The following MDN1 variants were observed in gnomAD, a reference collection of about 807,000 sequenced individuals.
MDN1 encodes the protein midasin.
A neutral mutation model predicts 669.2 loss-of-function variants in MDN1; 266 were observed. The ratio of observed to expected loss-of-function variants is 0.40; its 90% CI spans 0.36 to 0.44. MDN1 has a LOEUF of 0.44. Among genes scored for constraint, MDN1 ranks in the 20% least tolerant of loss-of-function variants. The pLI, the probability that MDN1 is intolerant of heterozygous loss-of-function variation, is 1.00. For missense variants in MDN1, 5,940 were observed against 6,754.0 expected, an observed-to-expected ratio of 0.88 and a Z score of 4.22; for synonymous variants, 2,385 against 2,457.1, an observed-to-expected ratio of 0.97 and a Z score of 0.87.
chr6:89,655,732 G>A (rs1173998218), intron 92 of MDN1, 32 bp downstream of exon 92: 1 of 1,554,568 alleles, frequency 6.4e-7, no homozygotes, highest in Non-Finnish European at 8.7e-7. Flanking sequence ...AGAGCTCAGT[G>A]GGCAAAGGCA....
chr6:89,719,070 G>C lies in MDN1; in HGVS notation c.6058-40C>G, dbSNP rs749270753. 1.9e-5 allele frequency: 30 copies of C among 1,613,568 alleles called. No homozygotes were observed. In the Admixed American group the frequency reaches 4.0e-4, roughly 22 times the overall value. ...CAGTGAGATTTCCATAAGCGTGCCTGGTAGTGGGAGCAGAAGAAACCATTA... is the reference window on the plus strand; with the variant it reads ...CAGTGAGATTTCCATAAGCGTGCCTCGTAGTGGGAGCAGAAGAAACCATTA... On this transcript the variant is annotated intron_variant, in intron 41 of 101. Coordinates refer to ENST00000369393, the MANE Select transcript of MDN1 (RefSeq NM_014611.3).
chr6:89,650,983 T>C (rs1808812480), intron 95 of MDN1, 136 bp from the exon 96 acceptor site: 1 of 619,422 alleles, frequency 1.6e-6, no homozygotes, highest in Non-Finnish European at 2.8e-6. Context: ...TTAAATCTTC[T>C]CCCAGCAAGC....
At chr6:89,777,687 A>G (rs1399978976) in intron 11 of MDN1, among the ~76,000 whole-genome samples, 1 of 152,180 alleles carries the variant, frequency 6.6e-6, no homozygotes, top group Admixed American at 6.5e-5. Flanking sequence ...CGTAGAAACT[A>G]AAATTGGCCT....
Position 89,708,617 on chromosome 6 carries a change from T to A in MDN1, c.7777A>T (p.Ile2593Phe). ...LQPNTTDEFV[I>F]PLDPRWNMQA... ...ATATTCCATCGGGGATCCAGAGGGA[T>A]CACAAATTCATCTAGTTTAAAAACA... Residue 2593 changes from isoleucine to phenylalanine, a missense_variant, in exon 51 of 102, where the codon ATC becomes TTC. Transcript: ENST00000369393. 1 of 1,613,378 alleles carries A rather than the reference T, an allele frequency of 6.2e-7. No individual in the cohort carries two copies. The highest frequency in any genetic ancestry group is 8.5e-7 in the Non-Finnish European group (1 of 1,179,742).
chr6:89,669,050 G>T (rs1249330473), intron 83 of MDN1, among the ~76,000 whole-genome samples: 1 of 152,228 alleles, frequency 6.6e-6, no homozygotes, highest in Non-Finnish European at 1.5e-5. Flanking sequence ...CCACATAGGA[G>T]GGAGTTTCAG....
rs1816457308 is a variant in MDN1 at position 89,744,124 on chromosome 6, A to AC, written c.4179-411_4179-410insG. Among the ~76,000 whole-genome samples, 34 of 141,770 alleles carry AC rather than the reference A, an allele frequency of 2.4e-4. 1 individual carries two copies. Among genetic ancestry groups the AC allele is most frequent in the Admixed American group, 2.1e-3 (31 of 14,576 alleles). The allele number at this position is 141,770 out of a possible 152,430, so 93.0% of individuals were successfully genotyped here. On this transcript the variant is annotated intron_variant, in intron 29 of 101. Transcript: ENST00000369393. ...TTCTTAAAAAAAAAAAAAAAAAAAA[A>AC]AAAAAAACCACCACCAAGAGAGGGA...
intron 81 of MDN1, 55 bp from the exon 82 acceptor site, chr6:89,672,418 C>T: frequency 1.9e-6 from 3 of 1,602,860 alleles, no homozygotes; most frequent in Non-Finnish European, 2.6e-6. Flanking sequence ...AAAACAAATC[C>T]TTTTATCTCT....
chr6:89,794,665 G>C lies in MDN1; in HGVS notation c.466C>G (p.Leu156Val). 6.2e-7 allele frequency: 1 copy of C among 1,614,200 alleles called. No individual in the cohort carries two copies. The highest frequency in any genetic ancestry group is 8.5e-7 in the Non-Finnish European group (1 of 1,180,046). ...CGGAACACAGACTGCTCCTGCTGCA[G>C]AAACTTGAAGGCTGCTTCCATTAGG... ...RDLMEAAFKF[L>V]QQEQSVFREL... is the part of the protein sequence containing the mutation. Residue 156 changes from leucine (L) to valine (V), a missense_variant, in exon 3 of 102, where the codon CTG (leucine) becomes GTG (valine). Physicochemically the swap from Leu to Val is conservative, Grantham distance 32. This residue lies in a region of MDN1 where 1,203 missense variants were observed against 1,268.9 expected (regional missense o/e 0.95). Coordinates refer to ENST00000369393, the MANE Select transcript of MDN1 (RefSeq NM_014611.3).
At chr6:89,787,422 T>TAA (rs1819020815) in intron 8 of MDN1, among the ~76,000 whole-genome samples, 1 of 152,220 alleles carries the variant, frequency 6.6e-6, no homozygotes, top group African/African-American at 2.4e-5. Context: ...TGGCTAGCCA[T>TAA]TAACTGGGCA....
intron 37 of MDN1, among the ~76,000 whole-genome samples, chr6:89,727,356 T>G (rs1446195975): frequency 6.6e-6 from 1 of 152,190 alleles, no homozygotes; most frequent in Non-Finnish European, 1.5e-5. Context: ...TTGTCAGAGA[T>G]TCAGTATTTA....
At chr6:89,651,256 C>T (rs4331958) in intron 95 of MDN1, among the ~76,000 whole-genome samples, 100,045 of 144,690 alleles carry the variant, frequency 0.69, 34,665 homozygotes, top group East Asian at 0.91. Flanking sequence ...ACCCAGGAGG[C>T]GGAGGTTGCA....
In MDN1 at chr6:89,794,742, C is replaced by T. The variant is rs1280897447; in HGVS notation, c.389G>A (p.Ser130Asn). 1 of 1,614,192 alleles carries T rather than the reference C, an allele frequency of 6.2e-7. No homozygotes were observed. Among genetic ancestry groups the T allele is most frequent in the Admixed American group, 1.7e-5 (1 of 60,006 alleles). The stretch of plus-strand genomic sequence containing the variant: ...ATAGCGTACTGGATTAGCATCTGAA[C>T]TCTCTAGGAAAAGTCTTTGAAAGAC... ...SPVFQRLFLE[S>N]SDANPVRYGR... Residue 130 changes from serine to asparagine, a missense_variant, in exon 3 of 102, where the codon AGT becomes AAT. By Grantham distance (46) the Ser-to-Asn change is conservative (BLOSUM62 1). This residue lies in a region of MDN1 where 1,203 missense variants were observed against 1,268.9 expected (regional missense o/e 0.95). Transcript: ENST00000369393.
chr6:89,658,073 G>GT, intron 90 of MDN1, 136 bp downstream of exon 90: 1 of 1,010,942 alleles, frequency 9.9e-7, no homozygotes, highest in Non-Finnish European at 1.5e-6. Context: ...GATGTGGTCT[G>GT]TTAGATGTCA....
intron 27 of MDN1, among the ~76,000 whole-genome samples, chr6:89,747,066 A>T (rs1242643997): frequency 6.6e-6 from 1 of 152,212 alleles, no homozygotes; most frequent in Non-Finnish European, 1.5e-5. Flanking sequence ...CTAACTCCCA[A>T]AGAGGCTATG....
In MDN1 at chr6:89,753,777, G is replaced by A. The variant is rs1039532124; in HGVS notation, c.2965-155C>T. Among the ~76,000 whole-genome samples, 14 of 152,250 alleles carry A rather than the reference G, an allele frequency of 9.2e-5. 1 individual carries two copies. Among genetic ancestry groups the A allele is most frequent in the Admixed American group, 7.9e-4 (12 of 15,282 alleles). On this transcript the variant is annotated intron_variant, in intron 21 of 101. Coordinates refer to ENST00000369393, the MANE Select transcript of MDN1 (RefSeq NM_014611.3). Reference sequence around the variant, plus strand: ...ATAAAGGGAAGGGTAGGCCAGGCACGGTGGTTCATGCCTGTAATCTCAGCA... The same window carrying A: ...ATAAAGGGAAGGGTAGGCCAGGCACAGTGGTTCATGCCTGTAATCTCAGCA...
chr6:89,673,956 ATCC>A, intron 79 of MDN1, 145 bp downstream of exon 79: 1 of 81,748 alleles, frequency 1.2e-5, no homozygotes, highest in East Asian at 4.0e-4. Flanking sequence ...ACCCCACCCC[ATCC>A]CCCAAACCGA....
Position 89,688,582 on chromosome 6 carries a change from C to G in MDN1, c.11250G>C (p.Ala3750=), listed in dbSNP as rs774755545. ...HLLQDWPEHP[A]LEQLLVVMDR... ...TCAACAGCTGCCCTACCTGTTCAAGCGCTGGGTGTTCTGGCCAGTCCTGTA... is the reference window on the plus strand; with the variant it reads ...TCAACAGCTGCCCTACCTGTTCAAGGGCTGGGTGTTCTGGCCAGTCCTGTA... The change falls in exon 66 of 102, where the codon GCG becomes GCC. Residue 3750 remains alanine, a synonymous_variant. Coordinates refer to ENST00000369393, the MANE Select transcript of MDN1 (RefSeq NM_014611.3). 2 of 1,613,522 alleles carry G rather than the reference C, an allele frequency of 1.2e-6. No homozygotes were observed. Among genetic ancestry groups the G allele is most frequent in the Non-Finnish European group, 1.7e-6 (2 of 1,179,650 alleles).
Position 89,771,587 on chromosome 6 carries a change from T to C in MDN1, c.2118A>G (p.Gln706=), listed in dbSNP as rs1415967325. 3 of 1,614,044 alleles carry C rather than the reference T, an allele frequency of 1.9e-6. No homozygotes were observed. The highest frequency in any genetic ancestry group is 2.5e-6 in the Non-Finnish European group (3 of 1,179,960). Residue 706 remains glutamine, a synonymous_variant, in exon 15 of 102, where the codon CAA becomes CAG. Transcript: ENST00000369393. The stretch of plus-strand genomic sequence containing the variant: ...CTCCAAGCAAGTCTGCAGTATCACT[T>C]TGTTGATTCATATTGACAACCCTCA... The part of the protein sequence containing the change: ...HRLRVVNMNQ[Q]SDTADLLGGY...
intron 67 of MDN1, 75 bp from the exon 68 acceptor site, chr6:89,687,513 G>A (rs1812097752): frequency 7.4e-7 from 1 of 1,354,870 alleles, no homozygotes. Context: ...AGAACATCTT[G>A]AACTTTGCTT....
Sources: allele counts gnomAD v4.1 joint callset (sites outside exome capture counted in the v4.1 genomes callset), GRCh38; gene constraint gnomAD v4.1.1; regional missense constraint gnomAD v4.1.1; transcripts MANE v1.5; gene names NCBI Gene and HGNC (gene_info 2026-07-23, HGNC 2026-07-21).